The following TACR1 variants were observed in gnomAD, a reference collection of about 807,000 sequenced individuals.
TACR1 encodes the protein tachykinin receptor 1, also known as substance-P receptor.
In TACR1, 25 loss-of-function variants were observed where a neutral mutation model predicts 35.8. The observed-to-expected ratio is 0.70, with a 90% confidence interval of 0.51 to 0.98. The LOEUF (loss-of-function observed/expected upper bound fraction) is 0.98. TACR1 is among the 50% of genes least tolerant of loss of function. The pLI is 0.00. For synonymous variants in TACR1, 195 were observed against 206.7 expected (o/e 0.94, Z 0.48); for missense variants, 478 against 522.9 (o/e 0.91, Z 0.84).
intron 1 of TACR1, among the ~76,000 whole-genome samples, chr2:75,156,564 C>T (rs927718810): frequency 6.8e-6 from 1 of 146,988 alleles, no homozygotes; most frequent in African/African-American, 2.5e-5. Flanking sequence ...GATCATGCCA[C>T]TGCCCTCCAG....
chr2:75,150,194 G>C (rs559702117), intron 1 of TACR1, among the ~76,000 whole-genome samples: 5 of 152,232 alleles, frequency 3.3e-5, no homozygotes, highest in African/African-American at 1.2e-4. Context: ...CAGGAATAAG[G>C]CTTAAAAAGG....
chr2:75,173,270 C>G (rs1032437289), intron 1 of TACR1, among the ~76,000 whole-genome samples: 1 of 152,142 alleles, frequency 6.6e-6, no homozygotes, highest in Non-Finnish European at 1.5e-5. Context: ...GTACCCAATG[C>G]AGTTGTAGGT....
chr2:75,128,731 A>G (rs944297670), intron 1 of TACR1, among the ~76,000 whole-genome samples: 1 of 152,142 alleles, frequency 6.6e-6, no homozygotes, highest in African/African-American at 2.4e-5. Context: ...GTACCATTTC[A>G]TTTCCAGCTT....
intron 2 of TACR1, among the ~76,000 whole-genome samples, chr2:75,106,781 T>C (rs1238541539): frequency 6.6e-6 from 1 of 151,786 alleles, no homozygotes; most frequent in Non-Finnish European, 1.5e-5. Flanking sequence ...ATAAAACATA[T>C]GTATCTTTGA....
At chr2:75,085,608 C>A (rs549471464) in intron 2 of TACR1, among the ~76,000 whole-genome samples, 1 of 152,274 alleles carries the variant, frequency 6.6e-6, no homozygotes, top group Non-Finnish European at 1.5e-5. Context: ...GAGGTGGGAT[C>A]TGACTTTTGC....
rs185957803 is a variant in TACR1, at chr2:75,129,620, C to T, written c.390-8852G>A. The stretch of plus-strand genomic sequence containing the variant: ...ACCTCACAACTATGTACAATTATTA[C>T]GTGTCAATTAAAACAAATAAACAAT... On this transcript the variant is annotated intron_variant, in intron 1 of 4. Coordinates refer to ENST00000305249, the MANE Select transcript of TACR1 (RefSeq NM_001058.4). 2.2e-4 allele frequency among the ~76,000 whole-genome samples: 33 copies of T among 152,236 alleles called. 1 individual carries two copies. The highest frequency in any genetic ancestry group is 6.0e-4 in the African/African-American group (25 of 41,536).
intron 1 of TACR1, chr2:75,154,317 C>T (rs1261174216): frequency 6.6e-6 from 1 of 152,134 alleles, no homozygotes; most frequent in Non-Finnish European, 1.5e-5. Flanking sequence ...CTGAGCATGT[C>T]ACAAGGAAGG....
At chr2:75,104,101 A>G (rs1365367523) in intron 2 of TACR1, among the ~76,000 whole-genome samples, 22 of 149,980 alleles carry the variant, frequency 1.5e-4, no homozygotes, top group Admixed American at 1.5e-3. Flanking sequence ...AAATTCTCCA[A>G]TCAAAGGACA....
At chr2:75,105,890 C>G (rs940677922) in intron 2 of TACR1, among the ~76,000 whole-genome samples, 1 of 151,878 alleles carries the variant, frequency 6.6e-6, no homozygotes, top group African/African-American at 2.4e-5. Flanking sequence ...CAAGGGAAGT[C>G]TGAGAAACTG....
chr2:75,058,357 C>G (rs559404259), intron 2 of TACR1, among the ~76,000 whole-genome samples: 1 of 152,084 alleles, frequency 6.6e-6, no homozygotes, highest in African/African-American at 2.4e-5. Context: ...GGTCAATGAG[C>G]CAGCACAATC....
rs747030959 is a variant in TACR1 at position 75,198,606 on chromosome 2, A to G, written c.329T>C (p.Phe110Ser). ...YGLFYCKFHN[F>S]FPIAAVFASI... The stretch of plus-strand genomic sequence containing the variant: ...GGCGAAGACAGCGGCGATGGGAAAG[A>G]AGTTGTGGAACTTGCAGTAGAACAG... Residue 110 changes from phenylalanine to serine, a missense_variant, in exon 1 of 5, where the codon TTC becomes TCC. Coordinates refer to ENST00000305249, the MANE Select transcript of TACR1 (RefSeq NM_001058.4). 2.5e-6 allele frequency: 4 copies of G among 1,614,222 alleles called. No individual in the cohort carries two copies. Among genetic ancestry groups the G allele is most frequent in the South Asian group, 1.1e-5 (1 of 91,082 alleles).
At chr2:75,198,323 T>G (rs1237025642) in intron 1 of TACR1, among the ~76,000 whole-genome samples, 3 of 152,038 alleles carry the variant, frequency 2.0e-5, no homozygotes, top group Non-Finnish European at 4.4e-5. Context: ...AAGGGGGATG[T>G]GTGTTGAAAG....
At chr2:75,091,313 A>G (rs975193057) in intron 2 of TACR1, among the ~76,000 whole-genome samples, 5 of 151,226 alleles carry the variant, frequency 3.3e-5, no homozygotes, top group African/African-American at 1.2e-4. Flanking sequence ...CCTTTACTCC[A>G]TTTTATAGAT....
At position 75,154,406 on chromosome 2, in the gene TACR1, G is replaced by GCGCGCGCGCACACACACA. The variant is rs1264139655; in HGVS notation, c.390-33639_390-33638insTGTGTGTGTGCGCGCGCG. 2 of 78,514 alleles carry GCGCGCGCGCACACACACA rather than the reference G, an allele frequency of 2.5e-5. 1 individual carries two copies. The highest frequency in any genetic ancestry group is 5.1e-5 in the Non-Finnish European group (2 of 39,454). 4.9% of individuals were successfully genotyped at this position (78,514 alleles called of 1,614,324 possible). ...CAGGGAGATAATCAGCCAAGAGCGC[G>GCGCGCGCGCACACACACA]CACGCACACACACACACACACACAC... On this transcript the variant is annotated intron_variant, in intron 1 of 4. Coordinates refer to ENST00000305249, the MANE Select transcript of TACR1 (RefSeq NM_001058.4).
intron 2 of TACR1, 24 bp from the exon 3 acceptor site, chr2:75,053,779 G>T: frequency 1.2e-6 from 2 of 1,614,042 alleles, no homozygotes; most frequent in Non-Finnish European, 1.7e-6. Context: ...AACAGGAAAG[G>T]TCAGTATGAT....
At chr2:75,103,158 CAAT>C (rs1673572110) in intron 2 of TACR1, among the ~76,000 whole-genome samples, 1 of 152,036 alleles carries the variant, frequency 6.6e-6, no homozygotes, top group Non-Finnish European at 1.5e-5. Context: ...TTAAAAATAA[CAAT>C]AATATACCTA....
intron 1 of TACR1, among the ~76,000 whole-genome samples, chr2:75,136,185 T>G (rs558502517): frequency 6.2e-4 from 95 of 152,162 alleles, no homozygotes; most frequent in Non-Finnish European, 1.2e-3. Flanking sequence ...CCTCTTCGTT[T>G]CCAGAGCCCT....
chr2:75,179,657 G>T (rs1423605102), intron 1 of TACR1, among the ~76,000 whole-genome samples: 1 of 152,234 alleles, frequency 6.6e-6, no homozygotes, highest in Non-Finnish European at 1.5e-5. Flanking sequence ...ACTATGAAGA[G>T]AAGTGATGTG....
chr2:75,155,779 G>A (rs1414916256), intron 1 of TACR1, among the ~76,000 whole-genome samples: 1 of 152,232 alleles, frequency 6.6e-6, no homozygotes, highest in African/African-American at 2.4e-5. Context: ...TTAGAATAAT[G>A]TAGACAGAAC....
Sources: gnomAD v4.1 joint callset for allele counts (sites outside exome capture counted in the v4.1 genomes callset) on GRCh38, gnomAD v4.1.1 for gene constraint, MANE v1.5 for transcripts, NCBI Gene and HGNC (gene_info 2026-07-23, HGNC 2026-07-21) for gene names.